Variants in WBP11 observed in about 807,000 individuals in gnomAD.
The protein encoded by WBP11 is WW domain binding protein 11, also known as WW domain-binding protein 11.
A neutral mutation model predicts 66.7 loss-of-function variants in WBP11; 12 were observed. That is an observed-to-expected ratio of 0.18 (90% CI 0.12 to 0.29). The LOEUF (loss-of-function observed/expected upper bound fraction) is 0.29. Ranked by LOEUF, WBP11 falls within the 10% of genes least tolerant of loss-of-function variation. The pLI is 1.00. For synonymous variants in WBP11, 255 were observed against 273.8 expected (o/e 0.93, Z 0.68); for missense variants, 555 against 818.3 (o/e 0.68, Z 3.93).
rs771420457 is a variant in WBP11, at chr12:14,791,157, T to C, written c.1015+12A>G. On this transcript the variant is annotated intron_variant, in intron 9 of 11. Transcript: ENST00000261167. ...CACCAAAAGGTGATTCACTATTTTT[T>C]CCCTGCCTCACCTGCCATACGAAGC... The C allele has an allele frequency of 6.8e-6, 11 of 1,612,994 alleles. No homozygotes were observed. Among genetic ancestry groups the C allele is most frequent in the Admixed American group, 1.7e-5 (1 of 59,982 alleles).
chr12:14,803,118 T>C (rs1949989721), intron 1 of WBP11, among the ~76,000 whole-genome samples: 1 of 152,066 alleles, frequency 6.6e-6, no homozygotes, highest in Non-Finnish European at 1.5e-5. Flanking sequence ...AACCTAAGGC[T>C]ACTAATCAAC....
chr12:14,794,603 C>G lies in WBP11; in HGVS notation c.655G>C (p.Val219Leu). Residue 219 changes from valine (V) to leucine (L), a missense_variant, in exon 7 of 12, where the codon GTG becomes CTG. Val to Leu is a conservative substitution (Grantham distance 32, BLOSUM62 1). Coordinates refer to ENST00000261167, the MANE Select transcript of WBP11 (RefSeq NM_016312.3). ...PQVVQMYGRK[V>L]GFALDLPPRR... ...GGGGGAAGATCTAGGGCAAAACCCA[C>G]TTTACGGCCATACATCTGCACGACT... 6.2e-7 allele frequency: 1 copy of G among 1,614,116 alleles called. No homozygotes were observed. Among genetic ancestry groups the G allele is most frequent in the Non-Finnish European group, 8.5e-7 (1 of 1,180,020 alleles).
At position 14,789,081 on chromosome 12, in the gene WBP11, T is replaced by C; in HGVS notation, c.1362A>G (p.Leu454=). Residue 454 remains leucine, a synonymous_variant, in exon 11 of 12, where the codon TTA becomes TTG. Transcript: ENST00000261167. ...PPGMPGLRGP[L]PRLLPPGPPP... ...GTGGTCCTGGAGGTAAAAGTCGGGGTAAGGGCCCTCGGAGTCCTGGCATTC... is the reference window on the plus strand; with the variant it reads ...GTGGTCCTGGAGGTAAAAGTCGGGGCAAGGGCCCTCGGAGTCCTGGCATTC... 1 of 1,522,168 alleles carries C rather than the reference T, an allele frequency of 6.6e-7. No homozygotes were observed. The highest frequency in any genetic ancestry group is 8.7e-7 in the Non-Finnish European group (1 of 1,147,710). The allele number at this position is 1,522,168 out of a possible 1,614,324, so 94.3% of individuals were successfully genotyped here.
Position 14,786,784 on chromosome 12 carries a change from A to G in WBP11, c.*281T>C, listed in dbSNP as rs777354775. The G allele has an allele frequency of 3.3e-6, 1 of 300,448 alleles. No homozygotes were observed. Among genetic ancestry groups the G allele is most frequent in the Non-Finnish European group, 6.2e-6 (1 of 160,988 alleles). The allele number at this position is 300,448 out of a possible 1,614,324, so 18.6% of individuals were successfully genotyped here. A position where few individuals can be genotyped will look rare whatever the true frequency, so the allele number is the denominator to read the frequency against. On this transcript the variant is annotated 3_prime_UTR_variant, in exon 12 of 12. Coordinates refer to ENST00000261167, the MANE Select transcript of WBP11 (RefSeq NM_016312.3). ...AGCAACTAAGATCCCCCGATCACAA[A>G]TTTCCAAAGAACTGGAGGAGGGGAA...
chr12:14,790,825 C>T (rs1244483705), intron 9 of WBP11, 76 bp from the exon 10 acceptor site: 1 of 1,358,306 alleles, frequency 7.4e-7, no homozygotes, highest in South Asian at 1.4e-5. Flanking sequence ...TGACTGAATA[C>T]ACATGGTTAA....
intron 10 of WBP11, 67 bp downstream of exon 10, chr12:14,790,389 T>C (rs929644614): frequency 2.5e-5 from 38 of 1,537,738 alleles, no homozygotes; most frequent in African/African-American, 2.2e-4. Context: ...TAACAACACA[T>C]AGTATTTTTT....
chr12:14,792,763 A>G (rs1053054390), intron 8 of WBP11, among the ~76,000 whole-genome samples: 6 of 151,110 alleles, frequency 4.0e-5, no homozygotes, highest in Non-Finnish European at 7.4e-5. Context: ...AACCTAGGAG[A>G]TGGAGGTTGC....
chr12:14,799,541 G>T (rs575090147), intron 4 of WBP11, 94 bp downstream of exon 4: 24 of 1,156,258 alleles, frequency 2.1e-5, no homozygotes, highest in Non-Finnish European at 2.5e-5. Flanking sequence ...CCATCATGCT[G>T]TTCTGTTTTA....
At chr12:14,791,521 C>T (rs1007923924) in intron 8 of WBP11, among the ~76,000 whole-genome samples, 3 of 152,160 alleles carry the variant, frequency 2.0e-5, no homozygotes, top group African/African-American at 7.2e-5. Flanking sequence ...TGAAGATCTA[C>T]TCCTTAAAGG....
intron 4 of WBP11, among the ~76,000 whole-genome samples, chr12:14,799,068 C>T (rs565167942): frequency 2.0e-5 from 3 of 152,014 alleles, no homozygotes; most frequent in Non-Finnish European, 4.4e-5. Context: ...AACAAAGCAG[C>T]GATACTTAAA....
In WBP11 at chr12:14,786,440, G is replaced by C. The variant is rs184400624; in HGVS notation, c.*625C>G. On this transcript the variant is annotated 3_prime_UTR_variant, in exon 12 of 12. Transcript: ENST00000261167. ...TTTAACTTTTTCTGTCCATAAAATA[G>C]GTATTATGTTTACATATTATCAGTA... 1 of 152,004 alleles carries C rather than the reference G, an allele frequency of 6.6e-6. No homozygotes were observed. Among genetic ancestry groups the C allele is most frequent in the Admixed American group, 6.6e-5 (1 of 15,260 alleles). The allele number at this position is 152,004 out of a possible 1,614,324, so 9.4% of individuals were successfully genotyped here.
At chr12:14,788,925 TTTA>T (rs757481761) in intron 11 of WBP11, 23 bp downstream of exon 11, 18 of 1,347,254 alleles carry the variant, frequency 1.3e-5, no homozygotes, top group African/African-American at 3.1e-5. Context: ...AGGCTAAGTT[TTTA>T]TTATAGAAAT....
intron 5 of WBP11, 151 bp from the exon 6 acceptor site, chr12:14,795,255 T>A (rs1949878521): frequency 1.8e-5 from 15 of 830,766 alleles, no homozygotes; most frequent in Non-Finnish European, 2.6e-5. Context: ...CTTACGTCAA[T>A]ACTTCCACAT....
Position 14,787,434 on chromosome 12 carries a change from G to C in WBP11, c.1557C>G (p.Pro519=), listed in dbSNP as rs1317481154. The C allele has an allele frequency of 5.2e-6, 8 of 1,551,144 alleles. No individual in the cohort carries two copies. The highest frequency in any genetic ancestry group is 7.0e-6 in the Non-Finnish European group (8 of 1,146,322). The part of the protein sequence containing the change: ...PPLVPPLGPA[P]PGLFPPAPLP... Reference sequence around the variant, plus strand: ...AGGGAGCTGGTGGGAACAGCCCAGGGGGGGCAGGTCCAAGGGGAGGCACCA... The same window carrying C: ...AGGGAGCTGGTGGGAACAGCCCAGGCGGGGCAGGTCCAAGGGGAGGCACCA... The change falls in exon 12 of 12, where the codon CCC becomes CCG. Residue 519 remains proline, a synonymous_variant. Coordinates refer to ENST00000261167, the MANE Select transcript of WBP11 (RefSeq NM_016312.3).
intron 8 of WBP11, 137 bp downstream of exon 8, chr12:14,793,594 A>G: frequency 1.9e-6 from 2 of 1,033,156 alleles, no homozygotes; most frequent in Non-Finnish European, 2.8e-6. Flanking sequence ...TCAAAATTTT[A>G]ATATATAAGA....
intron 9 of WBP11, among the ~76,000 whole-genome samples, 164 bp downstream of exon 9, chr12:14,791,005 T>A (rs1301302870): frequency 6.6e-6 from 1 of 152,230 alleles, no homozygotes; most frequent in African/African-American, 2.4e-5. Context: ...TTACTTGCTG[T>A]GTAACTTTAG....
chr12:14,794,701 A>G lies in WBP11; in HGVS notation c.557T>C (p.Leu186Pro), dbSNP rs1949869373. The part of the protein sequence containing the change: ...PTRAVSILPL[L>P]GHGVPRLPPG... ...GGGCAAACGTGGAACACCATGTCCA[A>G]GAAGAGGAAGGATAGAAACTGCCCG... The change falls in exon 7 of 12, where the codon CTT becomes CCT. Residue 186 changes from leucine to proline, a missense_variant. Physicochemically the swap from Leu to Pro is moderately conservative, Grantham distance 98. Coordinates refer to ENST00000261167, the MANE Select transcript of WBP11 (RefSeq NM_016312.3). 2 of 1,591,480 alleles carry G rather than the reference A, an allele frequency of 1.3e-6. No homozygotes were observed. The highest frequency in any genetic ancestry group is 2.3e-5 in the South Asian group (2 of 87,262).
At position 14,786,528 on chromosome 12, in the gene WBP11, T is replaced by A. The variant is rs2137225961; in HGVS notation, c.*537A>T. 1 of 152,628 alleles carries A rather than the reference T, an allele frequency of 6.6e-6. No homozygotes were observed. Among genetic ancestry groups the A allele is most frequent in the South Asian group, 2.1e-4 (1 of 4,848 alleles). The allele number at this position is 152,628 out of a possible 1,614,324, so 9.5% of individuals were successfully genotyped here. A position where few individuals can be genotyped will look rare whatever the true frequency, so the allele number is the denominator to read the frequency against. On this transcript the variant is annotated 3_prime_UTR_variant, in exon 12 of 12. Transcript: ENST00000261167. Reference sequence around the variant, plus strand: ...TCCCACAAATCACTGAAAGTTTAGGTCAGTGGGAAATAATTTTAATCAAAT... The same window carrying A: ...TCCCACAAATCACTGAAAGTTTAGGACAGTGGGAAATAATTTTAATCAAAT...
intron 7 of WBP11, 36 bp downstream of exon 7, chr12:14,794,501 G>A: frequency 5.0e-6 from 8 of 1,608,742 alleles, no homozygotes; most frequent in Non-Finnish European, 6.8e-6. Flanking sequence ...CATAAAAAAT[G>A]ATAGTTATAA....
Sources: gnomAD v4.1 joint callset for allele counts (sites outside exome capture counted in the v4.1 genomes callset) on GRCh38, gnomAD v4.1.1 for gene constraint, MANE v1.5 for transcripts, NCBI Gene and HGNC (gene_info 2026-07-23, HGNC 2026-07-21) for gene names.